Variants in CAMK2B observed in about 807,000 individuals in gnomAD.
The protein encoded by CAMK2B is calcium/calmodulin dependent protein kinase II beta, also known as calcium/calmodulin-dependent protein kinase type II subunit beta.
CAMK2B carries 27 observed loss-of-function variants against 93.7 expected under a neutral mutation model. That is an observed-to-expected ratio of 0.29 (90% CI 0.21 to 0.40). The LOEUF (loss-of-function observed/expected upper bound fraction) is 0.40, where lower values mean the gene tolerates loss of function less well. Ranked by LOEUF, CAMK2B falls within the 10% of genes least tolerant of loss-of-function variation. The pLI, the probability that CAMK2B is intolerant of heterozygous loss-of-function variation, is 1.00. For missense variants in CAMK2B, 568 were observed against 895.8 expected, an observed-to-expected ratio of 0.63 and a Z score of 4.67; for synonymous variants, 374 against 358.8, an observed-to-expected ratio of 1.04 and a Z score of -0.48.
intron 2 of CAMK2B, among the ~76,000 whole-genome samples, chr7:44,279,481 C>A (rs773303095): frequency 2.0e-5 from 3 of 152,250 alleles, no homozygotes; most frequent in Non-Finnish European, 4.4e-5. Flanking sequence ...CCCAGAGAGG[C>A]ATCCTGCGGG....
At chr7:44,246,013 A>G (rs1043635597) in intron 6 of CAMK2B, among the ~76,000 whole-genome samples, 1 of 152,106 alleles carries the variant, frequency 6.6e-6, no homozygotes, top group Admixed American at 6.5e-5. Context: ...GAGCAGAGAG[A>G]CAGCTAAGCT....
At chr7:44,306,995 A>G (rs1017108835) in intron 1 of CAMK2B, among the ~76,000 whole-genome samples, 240 of 75,254 alleles carry the variant, frequency 3.2e-3, no homozygotes, top group Middle Eastern at 0.011. Flanking sequence ...TGTGAGCAGG[A>G]GGAGGAGGGT....
chr7:44,325,338 C>A lies in CAMK2B; in HGVS notation c.65+19G>T. ...CCTCTGGGGTCCCCGGCCCAGCCCG[C>A]GCGCGCCGCTGCTCTTACTTGCCAA... is the stretch of plus-strand genomic sequence containing the variant. On this transcript the variant is annotated intron_variant, in intron 1 of 23. Transcript: ENST00000395749. 1 of 1,229,350 alleles carries A rather than the reference C, an allele frequency of 8.1e-7. No homozygotes were observed. Among genetic ancestry groups the A allele is most frequent in the Admixed American group, 2.9e-5 (1 of 35,076 alleles). 76.2% of individuals were successfully genotyped at this position (1,229,350 alleles called of 1,614,324 possible). A position where few individuals can be genotyped will look rare whatever the true frequency, so the allele number is the denominator to read the frequency against.
intron 4 of CAMK2B, among the ~76,000 whole-genome samples, chr7:44,256,507 A>C (rs909583250): frequency 2.0e-5 from 3 of 152,222 alleles, no homozygotes; most frequent in Non-Finnish European, 4.4e-5. Context: ...ATGCGCACAC[A>C]TGTGTGCATG....
intron 2 of CAMK2B, among the ~76,000 whole-genome samples, chr7:44,264,492 C>T (rs189105050): frequency 6.6e-6 from 1 of 152,172 alleles, no homozygotes; most frequent in African/African-American, 2.4e-5. Context: ...CGTCTCCCTG[C>T]CCTGGCCACC....
intron 1 of CAMK2B, among the ~76,000 whole-genome samples, chr7:44,324,279 A>G (rs991808196): frequency 6.6e-6 from 1 of 152,038 alleles, no homozygotes; most frequent in African/African-American, 2.4e-5. Flanking sequence ...CAGCGCCCCC[A>G]CCGCCTGCAC....
intron 1 of CAMK2B, among the ~76,000 whole-genome samples, chr7:44,287,284 G>T (rs1306960537): frequency 6.6e-6 from 1 of 152,028 alleles, no homozygotes; most frequent in African/African-American, 2.4e-5. Flanking sequence ...CTCCTCTGGG[G>T]GACTTAAGGA....
In CAMK2B at chr7:44,305,141, C is replaced by T. The variant is rs75886455; in HGVS notation, c.65+20216G>A. On this transcript the variant is annotated intron_variant, in intron 1 of 23. Coordinates refer to ENST00000395749, the MANE Select transcript of CAMK2B (RefSeq NM_001220.5). ...TCTTCCCCTGGAGCTGTCATCACCC[C>T]GGGAGACATCCTGACTGTAATACCC... Among the ~76,000 whole-genome samples, 1,181 of 152,264 alleles carry T rather than the reference C, an allele frequency of 7.8e-3. 20 individuals carry two copies. Among genetic ancestry groups the T allele is most frequent in the African/African-American group, 0.027 (1,130 of 41,554 alleles).
chr7:44,286,391 G>A lies in CAMK2B; in HGVS notation c.66-2166C>T, dbSNP rs1428952740. Among the ~76,000 whole-genome samples, 1 of 152,170 alleles carries A rather than the reference G, an allele frequency of 6.6e-6. No individual in the cohort carries two copies. The highest frequency in any genetic ancestry group is 1.5e-5 in the Non-Finnish European group (1 of 68,030). On this transcript the variant is annotated intron_variant, in intron 1 of 23. Transcript: ENST00000395749. This position sits in a 1 kb window ranked among gnomAD's most constrained non-coding sequence, Gnocchi z 4.0. ...CCACACACTGCAGGGTTGACCCTCA[G>A]TAGGAAGTTCAACAGACTGCACATC...
chr7:44,286,969 G>T lies in CAMK2B; in HGVS notation c.66-2744C>A, dbSNP rs1410022602. ...AGCAGGAAGGGACCAGGGGTGCAGG[G>T]ACCAGGGGTGCAGGGCCCGGGGGTG... On this transcript the variant is annotated intron_variant, in intron 1 of 23. Coordinates refer to ENST00000395749, the MANE Select transcript of CAMK2B (RefSeq NM_001220.5). The surrounding 1 kb of genome is among the most constrained non-coding windows in gnomAD (Gnocchi z 4.0). Among the ~76,000 whole-genome samples, 1 of 152,194 alleles carries T rather than the reference G, an allele frequency of 6.6e-6. No homozygotes were observed. Among genetic ancestry groups the T allele is most frequent in the Non-Finnish European group, 1.5e-5 (1 of 68,020 alleles).
At chr7:44,267,650 G>T (rs1481223446) in intron 2 of CAMK2B, among the ~76,000 whole-genome samples, 4 of 152,176 alleles carry the variant, frequency 2.6e-5, no homozygotes, top group Non-Finnish European at 5.9e-5. Flanking sequence ...CCCCAAGGGG[G>T]TGGCTAAGAG....
intron 2 of CAMK2B, among the ~76,000 whole-genome samples, chr7:44,275,825 C>A (rs556822924): frequency 6.6e-6 from 1 of 152,220 alleles, no homozygotes; most frequent in African/African-American, 2.4e-5. Context: ...TCCCCTAACT[C>A]CTTCTGTACC....
chr7:44,319,390 T>C (rs1795528834), intron 1 of CAMK2B, among the ~76,000 whole-genome samples: 1 of 152,120 alleles, frequency 6.6e-6, no homozygotes, highest in South Asian at 2.1e-4. Flanking sequence ...TAAAGGCCAA[T>C]GGAGCAAAAA....
intron 2 of CAMK2B, among the ~76,000 whole-genome samples, chr7:44,279,298 G>T (rs142924081): frequency 3.9e-5 from 6 of 152,306 alleles, no homozygotes; most frequent in Non-Finnish European, 8.8e-5. Flanking sequence ...TCTGTATTTG[G>T]GAGTGTTTGA....
In CAMK2B at chr7:44,254,619, G is replaced by C; in HGVS notation, c.276-12C>G. 1 of 1,604,022 alleles carries C rather than the reference G, an allele frequency of 6.2e-7. No individual in the cohort carries two copies. Among genetic ancestry groups the C allele is most frequent in the African/African-American group, 1.4e-5 (1 of 74,012 alleles). On this transcript the variant is annotated splice_polypyrimidine_tract_variant and intron_variant, in intron 4 of 23. Coordinates refer to ENST00000395749, the MANE Select transcript of CAMK2B (RefSeq NM_001220.5). ...CCCCACCAGTGACCCTATGGGAGAA[G>C]CATGAAGGGGTCACAGATTCTGGAG...
At position 44,229,117 on chromosome 7, in the gene CAMK2B, G is replaced by A. The variant is rs770742580; in HGVS notation, c.1340-193C>T. The A allele has an allele frequency of 7.8e-5, 51 of 651,476 alleles. 1 individual carries two copies. Among genetic ancestry groups the A allele is most frequent in the East Asian group, 2.0e-4 (7 of 35,860 alleles). 40.4% of individuals were successfully genotyped at this position (651,476 alleles called of 1,614,324 possible). ...GCTGAGGTGGAGTGAGGCCTGCACC[G>A]ACCCTGAAGACTGGAATTGAGGCCC... On this transcript the variant is annotated intron_variant, in intron 18 of 23. Transcript: ENST00000395749.
At chr7:44,276,170 C>T (rs377295743) in intron 2 of CAMK2B, among the ~76,000 whole-genome samples, 27 of 97,122 alleles carry the variant, frequency 2.8e-4, no homozygotes, top group Admixed American at 9.4e-4. Flanking sequence ...GCCCCTGAGC[C>T]GGGGAGGAGG....
At chr7:44,228,478 T>C (rs1374784437) in intron 19 of CAMK2B, among the ~76,000 whole-genome samples, 2 of 151,738 alleles carry the variant, frequency 1.3e-5, no homozygotes, top group African/African-American at 4.8e-5. Context: ...CCTAGGGGCA[T>C]GGGGGGCCTC....
At chr7:44,313,053 G>A (rs764861132) in intron 1 of CAMK2B, among the ~76,000 whole-genome samples, 4 of 152,040 alleles carry the variant, frequency 2.6e-5, no homozygotes, top group East Asian at 1.9e-4. Flanking sequence ...GGGCTGGTGC[G>A]CTTCCTCAGC....
Sources: allele counts gnomAD v4.1 joint callset (sites outside exome capture counted in the v4.1 genomes callset), GRCh38; gene constraint gnomAD v4.1.1; non-coding constraint Gnocchi (gnomAD v3.1); transcripts MANE v1.5; gene names NCBI Gene and HGNC (gene_info 2026-07-23, HGNC 2026-07-21).